Variants in PGLYRP4 observed in about 807,000 individuals in gnomAD.
PGLYRP4 encodes the protein peptidoglycan recognition protein 4.
A neutral mutation model predicts 41.2 loss-of-function variants in PGLYRP4; 39 were observed. That is an observed-to-expected ratio of 0.95 (90% confidence interval 0.73 to 1.24). The LOEUF (loss-of-function observed/expected upper bound fraction) is 1.24, where lower values mean the gene tolerates loss of function less well. PGLYRP4 is among the 50% of genes most tolerant of loss of function. The pLI, the probability that PGLYRP4 is intolerant of heterozygous loss-of-function variation, is 0.00. For missense variants in PGLYRP4, 467 were observed against 460.7 expected (o/e 1.01, Z -0.13); for synonymous variants, 202 against 186.8 (o/e 1.08, Z -0.66).
At chr1:153,339,746 G>A (rs1660714831) in intron 7 of PGLYRP4, among the ~76,000 whole-genome samples, 1 of 147,560 alleles carries the variant, frequency 6.8e-6, no homozygotes, top group African/African-American at 2.5e-5. Flanking sequence ...ACAGAATTTT[G>A]AGACCCTTTA....
chr1:153,342,389 G>T (rs1037285643), intron 5 of PGLYRP4, among the ~76,000 whole-genome samples: 1 of 152,182 alleles, frequency 6.6e-6, no homozygotes, highest in Non-Finnish European at 1.5e-5. Context: ...GTCACTTGGG[G>T]TCATCGACCT....
chr1:153,338,153 G>T (rs954403488), intron 7 of PGLYRP4, among the ~76,000 whole-genome samples: 1 of 152,164 alleles, frequency 6.6e-6, no homozygotes, highest in African/African-American at 2.4e-5. Flanking sequence ...TTGGTGAAAG[G>T]CATGGTCACC....
Position 153,330,646 on chromosome 1 carries a change from G to A in PGLYRP4, c.*121C>T, listed in dbSNP as rs1014681363. 6.3e-5 allele frequency: 47 copies of A among 745,366 alleles called. No individual in the cohort carries two copies. In the East Asian group the frequency reaches 1.2e-3, roughly 18 times the overall value. The allele number at this position is 745,366 out of a possible 1,614,324, so 46.2% of individuals were successfully genotyped here. On this transcript the variant is annotated 3_prime_UTR_variant, in exon 9 of 9. Coordinates refer to ENST00000359650, the MANE Select transcript of PGLYRP4 (RefSeq NM_020393.4). ...GGCATGATCATCCCAACCTGAAAAA[G>A]GAGGCACAGGACTGTGTGGCAGGGG...
Position 153,340,387 on chromosome 1 carries a change from C to A in PGLYRP4, c.818G>T (p.Gly273Val), listed in dbSNP as rs577614463. 33 of 1,614,082 alleles carry A rather than the reference C, an allele frequency of 2.0e-5. No individual in the cohort carries two copies. The South Asian group carries it at 3.6e-4, about 18-fold the overall frequency. The stretch of plus-strand genomic sequence containing the variant: ...TGTACCCAGACCCACTCACTTATAA[C>A]CAATGTCGCATGACTTGAGCCTGTC... ...YIDRLKSCDI[G>V]YNFLVGQDGA... is the part of the protein sequence containing the mutation. The change falls in exon 7 of 9, where the codon GGT becomes GTT. Residue 273 changes from glycine to valine, a missense_variant. By Grantham distance (109) the Gly-to-Val change is moderately radical (BLOSUM62 -3). Coordinates refer to ENST00000359650, the MANE Select transcript of PGLYRP4 (RefSeq NM_020393.4).
Position 153,346,156 on chromosome 1 carries a change from C to G in PGLYRP4, c.85G>C (p.Val29Leu), listed in dbSNP as rs1440954764. 3 of 1,613,956 alleles carry G rather than the reference C, an allele frequency of 1.9e-6. No individual in the cohort carries two copies. The highest frequency in any genetic ancestry group is 2.7e-5 in the African/African-American group (2 of 74,918). Residue 29 changes from valine to leucine, a missense_variant, in exon 3 of 9, where the codon GTA (valine) becomes CTA (leucine). By Grantham distance (32) the Val-to-Leu change is conservative. Coordinates refer to ENST00000359650, the MANE Select transcript of PGLYRP4 (RefSeq NM_020393.4). ...SSWNKTQAKQ[V>L]SEGLQYLFEN... is the part of the protein sequence containing the mutation. ...AATAGGTACTGGAGCCCCTCTGATA[C>G]CTGTTTAGCTTGTGTTTTGTTCCAG...
In PGLYRP4 at chr1:153,345,760, G is replaced by A. The variant is rs147080349; in HGVS notation, c.139+342C>T. On this transcript the variant is annotated intron_variant, in intron 3 of 8. Transcript: ENST00000359650. The stretch of plus-strand genomic sequence containing the variant: ...CTGATCATTTCCTCTGCGGTTCTGA[G>A]TGTTCCCTGAGGGGACTGCATCTTC... Among the ~76,000 whole-genome samples, 615 of 152,312 alleles carry A rather than the reference G, an allele frequency of 4.0e-3. 4 individuals are homozygous for A. Among genetic ancestry groups the A allele is most frequent in the African/African-American group, 0.014 (591 of 41,552 alleles).
Position 153,343,094 on chromosome 1 carries a change from C to T in PGLYRP4, c.468G>A (p.Lys156=), listed in dbSNP as rs761941455. 2.5e-6 allele frequency: 4 copies of T among 1,592,384 alleles called. No homozygotes were observed. The highest frequency in any genetic ancestry group is 1.1e-5 in the South Asian group (1 of 90,666). Residue 156 remains lysine (K), a synonymous_variant, in exon 5 of 9, where the codon AAG becomes AAA. Transcript: ENST00000359650. ...GTCAGCTGTGATAACTGTTACCTTT[C>T]TTAGTGCCAAAGAAGGCAAAGCCCA... ...ISLGFAFFGT[K]KGHSPSPAAL...
Position 153,340,571 on chromosome 1 carries a change from C to A in PGLYRP4, c.634G>T (p.Gly212Cys), listed in dbSNP as rs200799317. 1 of 1,613,634 alleles carries A rather than the reference C, an allele frequency of 6.2e-7. No homozygotes were observed. Among genetic ancestry groups the A allele is most frequent in the Non-Finnish European group, 8.5e-7 (1 of 1,179,954 alleles). ...CCCCACACAGACCGTGGGACAACGCCGGGGCAAGCTGAGGTGGGGCGAGAA... is the reference window on the plus strand; with the variant it reads ...CCCCACACAGACCGTGGGACAACGCAGGGGCAAGCTGAGGTGGGGCGAGAA... ...QKTSLKKACP[G>C]VVPRSVWGAR... The change falls in exon 7 of 9, where the codon GGC becomes TGC. Residue 212 changes from glycine (G) to cysteine (C), a missense_variant. By Grantham distance (159) the Gly-to-Cys change is radical (BLOSUM62 -3). Transcript: ENST00000359650.
At chr1:153,346,308 C>G in intron 2 of PGLYRP4, 117 bp from the exon 3 acceptor site, 1 of 765,040 alleles carries the variant, frequency 1.3e-6, no homozygotes, top group Non-Finnish European at 2.3e-6. Flanking sequence ...TCCTCAAATC[C>G]CAGAGCCTCC....
rs79195846 is a variant in PGLYRP4, at chr1:153,342,095, C to A, written c.473-316G>T. Among the ~76,000 whole-genome samples the A allele has an allele frequency of 7.5e-3, 1,139 of 152,282 alleles. 12 individuals are homozygous for A. The highest frequency in any genetic ancestry group is 0.024 in the African/African-American group (1,012 of 41,548). On this transcript the variant is annotated intron_variant, in intron 5 of 8. Coordinates refer to ENST00000359650, the MANE Select transcript of PGLYRP4 (RefSeq NM_020393.4). The stretch of plus-strand genomic sequence containing the variant: ...CCAGGGTTTCCCATCAGAAGGGGCC[C>A]CTCCAGGCATGTGTCAGGCTCTTTG...
intron 8 of PGLYRP4, 60 bp from the exon 9 acceptor site, chr1:153,331,005 T>C: frequency 7.0e-7 from 1 of 1,434,504 alleles, no homozygotes; most frequent in South Asian, 1.3e-5. Flanking sequence ...AAATAGAACA[T>C]ATCCCCAGAA....
At chr1:153,345,792 C>G (rs558947917) in intron 3 of PGLYRP4, among the ~76,000 whole-genome samples, 1 of 152,200 alleles carries the variant, frequency 6.6e-6, no homozygotes, top group Non-Finnish European at 1.5e-5. Context: ...CTTCTCCCCC[C>G]AGCAGGGGCT....
intron 4 of PGLYRP4, 103 bp from the exon 5 acceptor site, chr1:153,343,311 G>T: frequency 1.4e-6 from 1 of 708,750 alleles, no homozygotes; most frequent in African/African-American, 1.8e-5. Context: ...CTGAAGCTAT[G>T]TTCACTAAAA....
At chr1:153,345,638 T>A (rs1423126757) in intron 3 of PGLYRP4, among the ~76,000 whole-genome samples, 1 of 152,208 alleles carries the variant, frequency 6.6e-6, no homozygotes, top group Non-Finnish European at 1.5e-5. Flanking sequence ...CCTGCTGTGG[T>A]CCAGGCTCTG....
chr1:153,334,468 T>TATATATATTTTTATATATA lies in PGLYRP4; in HGVS notation c.943+2712_943+2713insTATATATAAAAATATATAT, dbSNP rs1275488427. 1.0e-3 allele frequency among the ~76,000 whole-genome samples: 147 copies of TATATATATTTTTATATATA among 142,522 alleles called. 1 individual carries two copies. Among genetic ancestry groups the TATATATATTTTTATATATA allele is most frequent in the Middle Eastern group, 3.7e-3 (1 of 272 alleles). 93.5% of individuals were successfully genotyped at this position (142,522 alleles called of 152,430 possible). A position where few individuals can be genotyped will look rare whatever the true frequency, so the allele number is the denominator to read the frequency against. ...TGTGTATAAATATATATATATTTAT[T>TATATATATTTTTATATATA]TATATATATTTATATATATATACAC... On this transcript the variant is annotated intron_variant, in intron 8 of 8. Coordinates refer to ENST00000359650, the MANE Select transcript of PGLYRP4 (RefSeq NM_020393.4).
chr1:153,343,028 G>A, intron 5 of PGLYRP4, 62 bp downstream of exon 5: 10 of 970,222 alleles, frequency 1.0e-5, no homozygotes, highest in Non-Finnish European at 1.7e-5. Context: ...TTCCCATGAA[G>A]TGGCCCCTGA....
At chr1:153,344,072 A>G (rs911569055) in intron 4 of PGLYRP4, among the ~76,000 whole-genome samples, 1 of 152,214 alleles carries the variant, frequency 6.6e-6, no homozygotes, top group African/African-American at 2.4e-5. Context: ...TCCCTCCCAG[A>G]TAAGCACGAC....
At chr1:153,341,529 CTAAT>C in intron 6 of PGLYRP4, 94 bp downstream of exon 6, 1 of 1,140,556 alleles carries the variant, frequency 8.8e-7, no homozygotes. Flanking sequence ...CAGAAGGAAT[CTAAT>C]GGGCCCTACT....
chr1:153,331,057 C>A, intron 8 of PGLYRP4, 112 bp from the exon 9 acceptor site: 1 of 846,962 alleles, frequency 1.2e-6, no homozygotes, highest in Non-Finnish European at 1.7e-6. Flanking sequence ...CTGTTGGCAG[C>A]CTCCCTAGAG....
Sources: gnomAD v4.1 joint callset for allele counts (sites outside exome capture counted in the v4.1 genomes callset) on GRCh38, gnomAD v4.1.1 for gene constraint, MANE v1.5 for transcripts, NCBI Gene and HGNC (gene_info 2026-07-23, HGNC 2026-07-21) for gene names.